NMNAT2: variants seen among roughly 807,000 people sequenced by gnomAD.
NMNAT2 encodes the protein nicotinamide/nicotinic acid mononucleotide adenylyltransferase 2.
In NMNAT2, 11 loss-of-function variants were observed where a neutral mutation model predicts 41.6. That is an observed-to-expected ratio of 0.26 (90% CI 0.17 to 0.44). The LOEUF is 0.44. Among genes scored for constraint, NMNAT2 ranks in the 20% least tolerant of loss-of-function variants. The pLI is 1.00. For missense variants in NMNAT2, 288 were observed against 407.7 expected, an observed-to-expected ratio of 0.71 and a Z score of 2.53; for synonymous variants, 148 against 151.2, an observed-to-expected ratio of 0.98 and a Z score of 0.16.
chr1:183,252,575 G>A lies in NMNAT2; in HGVS notation c.*66C>T. The A allele has an allele frequency of 9.1e-7, 1 of 1,102,076 alleles. No individual in the cohort carries two copies. The allele number at this position is 1,102,076 out of a possible 1,614,324, so 68.3% of individuals were successfully genotyped here. On this transcript the variant is annotated 3_prime_UTR_variant, in exon 11 of 11. Transcript: ENST00000287713. ...GACGAGGAGATGGAGAAACAGAGAG[G>A]CAGGAGAGAAACAGGGGGCTGACAA... is the stretch of plus-strand genomic sequence containing the variant.
chr1:183,372,939 A>T (rs1409379424), intron 1 of NMNAT2, among the ~76,000 whole-genome samples: 1 of 152,214 alleles, frequency 6.6e-6, no homozygotes, highest in Non-Finnish European at 1.5e-5. Context: ...TCTTCTTGTG[A>T]ATTGGAGGGG....
At chr1:183,359,980 A>T (rs1663271021) in intron 1 of NMNAT2, among the ~76,000 whole-genome samples, 1 of 152,076 alleles carries the variant, frequency 6.6e-6, no homozygotes, top group Admixed American at 6.5e-5. Context: ...GTTAAGTGTA[A>T]AACATTGGAT....
chr1:183,257,068 C>G (rs887905261), intron 10 of NMNAT2, among the ~76,000 whole-genome samples: 4 of 151,898 alleles, frequency 2.6e-5, no homozygotes, highest in Non-Finnish European at 5.9e-5. Context: ...GTGTCTTTAT[C>G]TGGCTTAGGT....
chr1:183,354,702 C>T (rs1663146459), intron 1 of NMNAT2, among the ~76,000 whole-genome samples: 1 of 152,158 alleles, frequency 6.6e-6, no homozygotes. Flanking sequence ...CAGGCGTGAG[C>T]CACTGTGCCA....
chr1:183,283,876 G>A (rs559934655), intron 7 of NMNAT2, 119 bp downstream of exon 7: 4 of 923,816 alleles, frequency 4.3e-6, no homozygotes, highest in South Asian at 2.6e-5. Context: ...CTTCCGAGAG[G>A]AGACCCTGCT....
intron 1 of NMNAT2, among the ~76,000 whole-genome samples, chr1:183,356,037 A>G (rs1021219354): frequency 1.3e-5 from 2 of 152,226 alleles, no homozygotes; most frequent in African/African-American, 2.4e-5. Context: ...TCTGTCACTC[A>G]GCACATGGAA....
intron 1 of NMNAT2, among the ~76,000 whole-genome samples, chr1:183,370,223 TACACACACACACACACACACAC>T (rs57569629): frequency 3.5e-4 from 39 of 112,822 alleles, no homozygotes; most frequent in African/African-American, 9.0e-4. Context: ...TATCAACACA[TACACACACACACACACACACAC>T]ACACACACAC....
chr1:183,316,381 G>T (rs1461303744), intron 1 of NMNAT2, among the ~76,000 whole-genome samples: 3 of 152,152 alleles, frequency 2.0e-5, no homozygotes, highest in African/African-American at 7.2e-5. Flanking sequence ...GGAGAGGGCT[G>T]GCCCCTCTGT....
At chr1:183,333,869 C>T (rs948280378) in intron 1 of NMNAT2, among the ~76,000 whole-genome samples, 5 of 152,200 alleles carry the variant, frequency 3.3e-5, no homozygotes, top group African/African-American at 1.2e-4. Context: ...GCCATTAGCT[C>T]TGTCATTTCC....
chr1:183,264,230 C>G (rs1246779528), intron 8 of NMNAT2, among the ~76,000 whole-genome samples: 1 of 151,876 alleles, frequency 6.6e-6, no homozygotes, highest in African/African-American at 2.4e-5. Context: ...TAATTTAAAC[C>G]ATGAAAATAA....
In NMNAT2 at chr1:183,292,794, T is replaced by G; in HGVS notation, c.238A>C (p.Ile80Leu). 6.2e-7 allele frequency: 1 copy of G among 1,613,858 alleles called. No homozygotes were observed. Among genetic ancestry groups the G allele is most frequent in the Non-Finnish European group, 8.5e-7 (1 of 1,179,920 alleles). ...GCATCTTCAGGCCAGTCCTACCTGA[T>G]CCAATCAGAATTCTGGACGGCCAGC... Reference protein sequence around the residue: ...CQLAVQNSDWIRVDPWECYQD... With the variant: ...CQLAVQNSDWLRVDPWECYQD... The change falls in exon 3 of 11, where the codon ATC becomes CTC. Residue 80 changes from isoleucine (I) to leucine (L), a missense_variant. Transcript: ENST00000287713.
intron 8 of NMNAT2, among the ~76,000 whole-genome samples, chr1:183,272,389 T>A (rs1203521970): frequency 1.3e-5 from 2 of 152,148 alleles, no homozygotes; most frequent in East Asian, 1.9e-4. Context: ...GAAGTCTGGA[T>A]CTTGATTTCC....
intron 1 of NMNAT2, among the ~76,000 whole-genome samples, chr1:183,386,668 T>A: frequency 6.6e-6 from 1 of 152,206 alleles, no homozygotes; most frequent in East Asian, 1.9e-4. Context: ...CTTTCTATAG[T>A]TATGTATTCT....
intron 1 of NMNAT2, among the ~76,000 whole-genome samples, chr1:183,311,378 A>T (rs1394424375): frequency 1.3e-5 from 2 of 152,200 alleles, no homozygotes; most frequent in Non-Finnish European, 2.9e-5. Context: ...AATTCAGAAA[A>T]GAAGCAGTAA....
At chr1:183,397,812 G>A (rs1015443783) in intron 1 of NMNAT2, among the ~76,000 whole-genome samples, 4 of 152,120 alleles carry the variant, frequency 2.6e-5, no homozygotes, top group African/African-American at 9.7e-5. Context: ...GCCAAACTAA[G>A]CTTCATAAGT....
intron 1 of NMNAT2, among the ~76,000 whole-genome samples, chr1:183,310,995 G>T (rs1348350385): frequency 6.6e-6 from 1 of 152,080 alleles, no homozygotes; most frequent in African/African-American, 2.4e-5. Flanking sequence ...AGCTACCCAC[G>T]CGGTCGTAAG....
chr1:183,401,026 A>G (rs1410488402), intron 1 of NMNAT2, among the ~76,000 whole-genome samples: 3 of 152,228 alleles, frequency 2.0e-5, no homozygotes, highest in Non-Finnish European at 4.4e-5. Context: ...TGACTAAAAC[A>G]TGAAAAGCAA....
intron 1 of NMNAT2, among the ~76,000 whole-genome samples, chr1:183,310,367 A>G (rs1365295424): frequency 6.6e-6 from 1 of 152,210 alleles, no homozygotes; most frequent in African/African-American, 2.4e-5. Context: ...CTAGCACCAG[A>G]GTAATATAGC....
At chr1:183,282,486 G>A (rs921041028) in intron 7 of NMNAT2, among the ~76,000 whole-genome samples, 6 of 152,186 alleles carry the variant, frequency 3.9e-5, no homozygotes, top group African/African-American at 4.8e-5. Flanking sequence ...TGCCCCAGGC[G>A]CTAGGAAGGC....
Sources: gnomAD v4.1 joint callset for allele counts (sites outside exome capture counted in the v4.1 genomes callset) on GRCh38, gnomAD v4.1.1 for gene constraint, MANE v1.5 for transcripts, NCBI Gene and HGNC (gene_info 2026-07-23, HGNC 2026-07-21) for gene names.